Variants in RASGRP3 observed in about 807,000 individuals in gnomAD.
The protein encoded by RASGRP3 is RAS guanyl releasing protein 3.
RASGRP3 carries 54 observed loss-of-function variants against 82.7 expected under a neutral mutation model. The observed-to-expected ratio is 0.65, with a 90% CI of 0.52 to 0.82. The LOEUF (loss-of-function observed/expected upper bound fraction) is 0.82, where lower values mean the gene tolerates loss of function less well. Ranked by LOEUF, RASGRP3 falls within the 40% of genes least tolerant of loss-of-function variation. The pLI, the probability that RASGRP3 is intolerant of heterozygous loss-of-function variation, is 0.00. For missense variants in RASGRP3, 861 were observed against 828.9 expected, an observed-to-expected ratio of 1.04 and a Z score of -0.48; for synonymous variants, 309 against 300.5, an observed-to-expected ratio of 1.03 and a Z score of -0.29.
At chr2:33,484,963 C>T (rs541888336) in intron 1 of RASGRP3, among the ~76,000 whole-genome samples, 5 of 152,286 alleles carry the variant, frequency 3.3e-5, no homozygotes, top group Admixed American at 1.3e-4. Context: ...CTTTGGGAGG[C>T]TGAGGCAGGT....
intron 1 of RASGRP3, among the ~76,000 whole-genome samples, chr2:33,490,871 G>T (rs962430960): frequency 5.9e-5 from 9 of 152,200 alleles, no homozygotes; most frequent in African/African-American, 2.2e-4. Context: ...GGATACCCAG[G>T]CCCTGGCATA....
At chr2:33,490,025 A>C (rs1389428200) in intron 1 of RASGRP3, among the ~76,000 whole-genome samples, 1 of 152,210 alleles carries the variant, frequency 6.6e-6, no homozygotes, top group East Asian at 1.9e-4. Context: ...TGATGACTGT[A>C]TATCTCTATG....
intron 1 of RASGRP3, 57 bp from the exon 2 acceptor site, chr2:33,511,653 C>A (rs1396416239): frequency 6.6e-6 from 1 of 152,614 alleles, no homozygotes; most frequent in Admixed American, 6.5e-5. Flanking sequence ...AATGTGGATT[C>A]TTTGGGGTTA....
chr2:33,561,191 C>T (rs1676609491), intron 17 of RASGRP3, among the ~76,000 whole-genome samples: 2 of 151,948 alleles, frequency 1.3e-5, no homozygotes, highest in Admixed American at 6.6e-5. Flanking sequence ...CTCAGCCTCC[C>T]AAGTAGCTGG....
intron 14 of RASGRP3, among the ~76,000 whole-genome samples, chr2:33,554,056 G>A (rs928593500): frequency 6.6e-6 from 1 of 152,120 alleles, no homozygotes; most frequent in African/African-American, 2.4e-5. Context: ...ATTTTAATAT[G>A]TATTCTGAAG....
At chr2:33,479,665 T>C (rs575258619) in intron 1 of RASGRP3, among the ~76,000 whole-genome samples, 2 of 152,296 alleles carry the variant, frequency 1.3e-5, no homozygotes, top group African/African-American at 2.4e-5. Flanking sequence ...CCATTTACCC[T>C]GAGTCCTACT....
At chr2:33,515,393 C>T (rs942929355) in intron 3 of RASGRP3, among the ~76,000 whole-genome samples, 187 bp downstream of exon 3, 5 of 152,192 alleles carry the variant, frequency 3.3e-5, no homozygotes, top group Admixed American at 2.6e-4. Context: ...TTACTGCCCA[C>T]AGCTCATACC....
intron 1 of RASGRP3, among the ~76,000 whole-genome samples, chr2:33,478,652 T>C (rs1336537052): frequency 6.6e-6 from 1 of 152,186 alleles, no homozygotes; most frequent in Non-Finnish European, 1.5e-5. Flanking sequence ...TACTTGCAGA[T>C]AGTACATCCA....
intron 10 of RASGRP3, among the ~76,000 whole-genome samples, chr2:33,528,662 C>T (rs1317021478): frequency 3.9e-5 from 6 of 152,110 alleles, no homozygotes; most frequent in Non-Finnish European, 5.9e-5. Context: ...TGTGGTTTCT[C>T]GCCCTTCTCA....
intron 14 of RASGRP3, among the ~76,000 whole-genome samples, chr2:33,550,778 C>G (rs112354259): frequency 2.6e-5 from 4 of 152,254 alleles, no homozygotes; most frequent in African/African-American, 7.2e-5. Context: ...TTTTCCCATC[C>G]CATGCTCAAA....
chr2:33,498,117 A>G (rs10495791), intron 1 of RASGRP3, among the ~76,000 whole-genome samples: 61,316 of 151,994 alleles, frequency 0.4, 13,334 homozygotes, highest in African/African-American at 0.57. Context: ...AATAGGAATC[A>G]TTGCATCCCT....
At chr2:33,482,512 T>C (rs940553301) in intron 1 of RASGRP3, 3 of 152,212 alleles carry the variant, frequency 2.0e-5, no homozygotes, top group African/African-American at 7.2e-5. Context: ...ACCATCGGCA[T>C]TCTTGAAAGT....
chr2:33,554,706 C>G (rs1675745176), intron 14 of RASGRP3, among the ~76,000 whole-genome samples: 1 of 152,068 alleles, frequency 6.6e-6, no homozygotes, highest in Non-Finnish European at 1.5e-5. Context: ...ATCTCCTGAC[C>G]TCGTGATCTG....
chr2:33,462,485 C>A (rs1427655863), intron 2 of RASGRP3, among the ~76,000 whole-genome samples: 1 of 150,856 alleles, frequency 6.6e-6, no homozygotes, highest in South Asian at 2.1e-4. Context: ...TCAAGAGATT[C>A]TCCTGCCTCA....
intron 1 of RASGRP3, among the ~76,000 whole-genome samples, chr2:33,442,148 G>A (rs748414427): frequency 2.0e-5 from 3 of 152,280 alleles, no homozygotes; most frequent in South Asian, 2.1e-4. Context: ...TACACCAACT[G>A]TTAACAATAG....
Position 33,498,497 on chromosome 2 carries a change from G to GTC in RASGRP3, c.-260-13213_-260-13212insTC, listed in dbSNP as rs770217832. On this transcript the variant is annotated intron_variant, in intron 1 of 17. Transcript: ENST00000403687. ...GGACTGTGTTGGGTTATGTCACATG[G>GTC]GCTTTCACAGAAGCTTTCATTATGA... is the stretch of plus-strand genomic sequence containing the variant. Among the ~76,000 whole-genome samples, 755 of 152,200 alleles carry GTC rather than the reference G, an allele frequency of 5.0e-3. 4 individuals carry two copies. Among genetic ancestry groups the GTC allele is most frequent in the Admixed American group, 0.011 (162 of 15,296 alleles).
chr2:33,486,324 C>G (rs918205381), intron 1 of RASGRP3, among the ~76,000 whole-genome samples: 1 of 151,966 alleles, frequency 6.6e-6, no homozygotes, highest in Non-Finnish European at 1.5e-5. Flanking sequence ...CCACCAAACC[C>G]AGCTAATTTT....
chr2:33,545,043 A>G (rs1674604917), intron 13 of RASGRP3, among the ~76,000 whole-genome samples: 1 of 152,212 alleles, frequency 6.6e-6, no homozygotes. Context: ...TTCTTTGCTT[A>G]GTTTGTTACT....
intron 1 of RASGRP3, among the ~76,000 whole-genome samples, chr2:33,443,749 T>G (rs1056553837): frequency 6.8e-6 from 1 of 146,030 alleles, no homozygotes; most frequent in Non-Finnish European, 1.5e-5. Context: ...GGCATGGTGG[T>G]ACGTGCTTAT....
Sources: allele counts gnomAD v4.1 joint callset (sites outside exome capture counted in the v4.1 genomes callset), GRCh38; gene constraint gnomAD v4.1.1; transcripts MANE v1.5; gene names NCBI Gene and HGNC (gene_info 2026-07-23, HGNC 2026-07-21).